Variants in CLOCK observed in about 807,000 individuals in gnomAD.
CLOCK encodes clock circadian regulator.
A neutral mutation model predicts 118.4 loss-of-function variants in CLOCK; 43 were observed. The ratio of observed to expected loss-of-function variants is 0.36; its 90% CI spans 0.28 to 0.47. The LOEUF (loss-of-function observed/expected upper bound fraction) is 0.47, where lower values mean the gene tolerates loss of function less well. Among genes scored for constraint, CLOCK ranks in the 20% least tolerant of loss-of-function variants. The pLI is 1.00. For synonymous variants in CLOCK, 326 were observed against 339.2 expected (o/e 0.96, Z 0.43); for missense variants, 846 against 999.9 (o/e 0.85, Z 2.08).
At chr4:55,499,985 G>A (rs998014284) in intron 2 of CLOCK, among the ~76,000 whole-genome samples, 9 of 152,086 alleles carry the variant, frequency 5.9e-5, no homozygotes, top group Admixed American at 5.9e-4. Context: ...TTCTTCTTGG[G>A]ATTTTAAGTA....
rs147399634 is a variant in CLOCK, at chr4:55,499,627, C to T, written c.-135-10162G>A. On this transcript the variant is annotated intron_variant, in intron 2 of 22. Coordinates refer to ENST00000513440, the MANE Select transcript of CLOCK (RefSeq NM_004898.4). ...TGCTCACTAGCCAGTCACCTACCTC[C>T]TGCTGTGCGGCCTGGTTCCTAACAG... Among the ~76,000 whole-genome samples, 1,481 of 152,374 alleles carry T rather than the reference C, an allele frequency of 9.7e-3. 28 individuals are homozygous for T. The highest frequency in any genetic ancestry group is 0.034 in the African/African-American group (1,413 of 41,594).
chr4:55,531,975 C>G (rs1191871088), intron 1 of CLOCK, among the ~76,000 whole-genome samples: 1 of 150,408 alleles, frequency 6.6e-6, no homozygotes, highest in Non-Finnish European at 1.5e-5. Context: ...GATTATATAC[C>G]ATGACCAAGT....
At chr4:55,511,280 C>T (rs992398465) in intron 1 of CLOCK, among the ~76,000 whole-genome samples, 2 of 132,108 alleles carry the variant, frequency 1.5e-5, no homozygotes, top group Admixed American at 1.7e-4. Context: ...TTTCATTATC[C>T]TATCTATCTA....
intron 1 of CLOCK, among the ~76,000 whole-genome samples, chr4:55,527,019 C>T (rs1730248441): frequency 6.7e-6 from 1 of 150,022 alleles, no homozygotes. Context: ...AGAAACACTG[C>T]TTCACATCCA....
chr4:55,459,479 T>C (rs112575021), intron 9 of CLOCK, among the ~76,000 whole-genome samples: 2,568 of 152,300 alleles, frequency 0.017, 70 homozygotes, highest in African/African-American at 0.058. Flanking sequence ...TGCAAACAAC[T>C]TAATGTTTCC....
intron 12 of CLOCK, 26 bp from the exon 13 acceptor site, chr4:55,456,029 A>G (rs751295121): frequency 1.1e-5 from 17 of 1,558,286 alleles, no homozygotes; most frequent in Non-Finnish European, 1.5e-5. Flanking sequence ...AACAATCATT[A>G]TTATAAGTTT....
intron 4 of CLOCK, among the ~76,000 whole-genome samples, chr4:55,481,682 G>C (rs1726944411): frequency 7.2e-6 from 1 of 139,040 alleles, no homozygotes; most frequent in African/African-American, 2.5e-5. Context: ...CTGTGTACAA[G>C]TCTAGCTGCA....
chr4:55,439,024 T>A (rs945038553), intron 21 of CLOCK, among the ~76,000 whole-genome samples: 1 of 152,098 alleles, frequency 6.6e-6, no homozygotes, highest in Non-Finnish European at 1.5e-5. Flanking sequence ...TGTATCAAAT[T>A]AAAAATCTTG....
At chr4:55,473,130 C>T (rs144742840) in intron 7 of CLOCK, among the ~76,000 whole-genome samples, 269 of 151,858 alleles carry the variant, frequency 1.8e-3, no homozygotes, top group African/African-American at 6.1e-3. Flanking sequence ...GAGGCTAAAG[C>T]GGAAGAATCA....
At chr4:55,520,450 C>T (rs1268800285) in intron 1 of CLOCK, among the ~76,000 whole-genome samples, 3 of 152,056 alleles carry the variant, frequency 2.0e-5, no homozygotes, top group Non-Finnish European at 4.4e-5. Context: ...AATTCAACTC[C>T]AAAAATGGCA....
intron 9 of CLOCK, 123 bp from the exon 10 acceptor site, chr4:55,459,384 C>A (rs1560430932): frequency 1.5e-6 from 1 of 686,996 alleles, no homozygotes; most frequent in South Asian, 1.7e-5. Context: ...CAACAGAAGT[C>A]GTCAATGACA....
At chr4:55,530,256 C>A (rs993448614) in intron 1 of CLOCK, among the ~76,000 whole-genome samples, 1 of 152,104 alleles carries the variant, frequency 6.6e-6, no homozygotes. Flanking sequence ...GGGAAAGGAT[C>A]ATTTAGAAAA....
intron 1 of CLOCK, among the ~76,000 whole-genome samples, chr4:55,518,385 T>A (rs1452219033): frequency 6.6e-6 from 1 of 152,108 alleles, no homozygotes. Flanking sequence ...TCCCACAGGG[T>A]ATTAATCCCT....
At chr4:55,481,437 G>A (rs1726932058) in intron 4 of CLOCK, among the ~76,000 whole-genome samples, 1 of 152,080 alleles carries the variant, frequency 6.6e-6, no homozygotes, top group African/African-American at 2.4e-5. Flanking sequence ...AAAGCATAAT[G>A]CCAAATTCAT....
intron 3 of CLOCK, 29 bp downstream of exon 3, chr4:55,489,345 G>A (rs540217563): frequency 3.9e-5 from 6 of 151,962 alleles, no homozygotes; most frequent in Admixed American, 3.9e-4. Flanking sequence ...ATCATTTTAC[G>A]ATGCATTCTA....
intron 2 of CLOCK, among the ~76,000 whole-genome samples, chr4:55,505,388 G>A (rs926708284): frequency 2.6e-5 from 4 of 152,098 alleles, no homozygotes; most frequent in Admixed American, 2.6e-4. Flanking sequence ...CAGTAGCCAG[G>A]CAAGGTGGCT....
intron 7 of CLOCK, among the ~76,000 whole-genome samples, chr4:55,474,079 C>T (rs185389720): frequency 2.0e-5 from 3 of 152,206 alleles, no homozygotes; most frequent in East Asian, 3.9e-4. Context: ...GAAGGCATGT[C>T]GAAAACTGAG....
chr4:55,530,772 C>A (rs186744221), intron 1 of CLOCK, among the ~76,000 whole-genome samples: 2 of 3,566 alleles, frequency 5.6e-4, no homozygotes, highest in African/African-American at 5.3e-4. Flanking sequence ...AAGACTCCAT[C>A]GCAAAAAAAA....
At chr4:55,463,572 G>T in intron 9 of CLOCK, 113 bp downstream of exon 9, 2 of 926,736 alleles carry the variant, frequency 2.2e-6, no homozygotes, top group Admixed American at 2.2e-5. Flanking sequence ...GGACCTAATA[G>T]GGCATATGGA....
Sources: allele counts gnomAD v4.1 joint callset (sites outside exome capture counted in the v4.1 genomes callset), GRCh38; gene constraint gnomAD v4.1.1; transcripts MANE v1.5; gene names NCBI Gene and HGNC (gene_info 2026-07-23, HGNC 2026-07-21).